The following MAGED1 variants were observed in gnomAD, a reference collection of about 807,000 sequenced individuals.
The protein encoded by MAGED1 is melanoma-associated antigen D1.
A neutral mutation model predicts 54.1 loss-of-function variants in MAGED1; 3 were observed. The ratio of observed to expected loss-of-function variants is 0.06; its 90% CI spans 0.03 to 0.14. The LOEUF (loss-of-function observed/expected upper bound fraction) is 0.14, where lower values mean the gene tolerates loss of function less well. Among genes scored for constraint, MAGED1 ranks in the 10% least tolerant of loss-of-function variants. MAGED1 has a pLI of 1.00. For missense variants in MAGED1, 485 were observed against 623.4 expected, an observed-to-expected ratio of 0.78 and a Z score of 2.36; for synonymous variants, 217 against 227.3, an observed-to-expected ratio of 0.95 and a Z score of 0.41.
chrX:51,837,503 T>A (rs1240535939), intron 1 of MAGED1, among the ~76,000 whole-genome samples: 8 of 112,163 alleles, frequency 7.1e-5, no homozygotes, highest in Non-Finnish European at 1.3e-4. Context: ...AATGTCATTA[T>A]TTGTTTTTTA....
At chrX:51,894,737 C>G in intron 2 of MAGED1, 1 of 1,159,493 alleles carries the variant, frequency 8.6e-7, no homozygotes, top group Non-Finnish European at 1.1e-6. Context: ...CTCAACTCCG[C>G]GATCCGCCTG....
intron 1 of MAGED1, among the ~76,000 whole-genome samples, chrX:51,840,346 C>G (rs1926408286): frequency 1.8e-5 from 2 of 109,935 alleles, no homozygotes; most frequent in Admixed American, 1.9e-4. Flanking sequence ...TTTTGGGGTC[C>G]TCAAAAAAAT....
chrX:51,837,679 GAGAGGCCCAAAACAAACATA>G (rs2146968294), intron 1 of MAGED1, among the ~76,000 whole-genome samples: 1 of 112,069 alleles, frequency 8.9e-6, no homozygotes, highest in African/African-American at 3.2e-5. Flanking sequence ...ATTAACGCAT[GAGAGGCCCAAAACAAACATA>G]AGAGGTAGGT....
chrX:51,821,566 T>A (rs1272247174), intron 1 of MAGED1, among the ~76,000 whole-genome samples: 1 of 110,938 alleles, frequency 9.0e-6, no homozygotes, highest in African/African-American at 3.3e-5. Flanking sequence ...GTTTTTGTAT[T>A]TTTTGTAGAG....
chrX:51,811,560 C>G (rs1313001353), intron 1 of MAGED1, among the ~76,000 whole-genome samples: 2 of 111,017 alleles, frequency 1.8e-5, no homozygotes, highest in African/African-American at 6.6e-5. Context: ...AAGGGGTGTT[C>G]TAGAAATCAT....
At chrX:51,874,202 T>G (rs7891136) in intron 1 of MAGED1, among the ~76,000 whole-genome samples, 2,077 of 111,433 alleles carry the variant, frequency 0.019, 60 homozygotes, top group African/African-American at 0.065. Flanking sequence ...GTCTCTGCCC[T>G]CATGAAGCTA....
Position 51,896,625 on chromosome X carries a change from C to T in MAGED1, c.970C>T (p.Pro324Ser). The T allele has an allele frequency of 5.0e-6, 6 of 1,212,040 alleles. No individual in the cohort carries two copies. The highest frequency in any genetic ancestry group is 6.7e-6 in the Non-Finnish European group (6 of 895,506). The change falls in exon 4 of 13, where the codon CCA becomes TCA. Residue 324 changes from proline to serine, a missense_variant. Around this residue, in one of 2 missense-constraint regions of MAGED1, gnomAD observed 299 missense variants for 293.1 expected, o/e 1.02. Coordinates refer to ENST00000326587, the MANE Select transcript of MAGED1 (RefSeq NM_006986.4). The part of the protein sequence containing the change: ...RQTPPARQSP[P>S]ARQTPPAWQN... The stretch of plus-strand genomic sequence containing the variant: ...GACCCCACCAGCACGTCAGAGCCCT[C>T]CAGCTAGGCAGACCCCACCAGCCTG...
chrX:51,897,280 C>T lies in MAGED1; in HGVS notation c.1486+9C>T. The T allele has an allele frequency of 8.3e-7, 1 of 1,203,330 alleles. No individual in the cohort carries two copies. Among genetic ancestry groups the T allele is most frequent in the Non-Finnish European group, 1.1e-6 (1 of 888,857 alleles). On this transcript the variant is annotated intron_variant, in intron 5 of 12. Transcript: ENST00000326587. Reference sequence around the variant, plus strand: ...GCCCATCAAGCGCTCAGGTATGCATCCAGTGTCCCCTCCCCAAGCTCTGCC... The same window carrying T: ...GCCCATCAAGCGCTCAGGTATGCATTCAGTGTCCCCTCCCCAAGCTCTGCC...
At chrX:51,863,466 T>C (rs945263256) in intron 1 of MAGED1, among the ~76,000 whole-genome samples, 21 of 112,083 alleles carry the variant, frequency 1.9e-4, no homozygotes, top group African/African-American at 5.8e-4. Flanking sequence ...TTCTTTAAGA[T>C]AGTGATTTTA....
upstream of MAGED1, among the ~76,000 whole-genome samples, chrX:51,890,660 C>T (rs1352847041): frequency 9.0e-6 from 1 of 110,940 alleles, no homozygotes; most frequent in Non-Finnish European, 1.9e-5. Flanking sequence ...TAAAGAACTC[C>T]TAAAAGTCAG....
At chrX:51,808,220 A>G (rs1925097485) in intron 1 of MAGED1, among the ~76,000 whole-genome samples, 2 of 111,562 alleles carry the variant, frequency 1.8e-5, no homozygotes, top group South Asian at 7.4e-4. Context: ...TGGGGATTTT[A>G]TTGGTGTTAT....
intron 1 of MAGED1, among the ~76,000 whole-genome samples, chrX:51,809,541 C>G (rs1374826691): frequency 8.9e-6 from 1 of 111,973 alleles, no homozygotes; most frequent in Non-Finnish European, 1.9e-5. Flanking sequence ...GTTTTCTCAT[C>G]CTCGTGTTTC....
chrX:51,827,761 C>A (rs1286612740), intron 1 of MAGED1, among the ~76,000 whole-genome samples: 1 of 111,622 alleles, frequency 9.0e-6, no homozygotes, highest in Non-Finnish European at 1.9e-5. Flanking sequence ...GCTTCTCTCT[C>A]CCACACCTTG....
chrX:51,882,989 C>A (rs1928113603), intron 1 of MAGED1, among the ~76,000 whole-genome samples: 1 of 111,972 alleles, frequency 8.9e-6, no homozygotes, highest in Non-Finnish European at 1.9e-5. Context: ...CTGCACCTGG[C>A]TGACAAAATT....
At chrX:51,850,393 A>C (rs1052685171) in intron 1 of MAGED1, among the ~76,000 whole-genome samples, 1 of 112,453 alleles carries the variant, frequency 8.9e-6, no homozygotes, top group Non-Finnish European at 1.9e-5. Context: ...ACCACAGTCC[A>C]GGATTTGGTT....
At chrX:51,897,505 G>A (rs782748893) in intron 5 of MAGED1, 42 bp from the exon 6 acceptor site, 5 of 1,061,109 alleles carry the variant, frequency 4.7e-6, no homozygotes, top group Non-Finnish European at 6.6e-6. Flanking sequence ...GCTGCTCTGT[G>A]GCCCCCGCTC....
rs782454312 is a variant in MAGED1 at position 51,809,869 on chromosome X, A to G, written c.-37+6752A>G. On this transcript the variant is annotated intron_variant, in intron 1 of 12. Coordinates refer to the MAGED1 transcript ENST00000375772. ...ATTCTTTCAATCTTTCTGCATTATT[A>G]ACTGGAATTACTTTATAAAGAAGAC... Among the ~76,000 whole-genome samples the G allele has an allele frequency of 2.8e-4, 31 of 111,535 alleles. No homozygotes were observed. The South Asian group carries it at 0.011, about 39-fold the overall frequency.
rs113944557 is a variant in MAGED1 at position 51,872,771 on chromosome X, C to T, written c.-36-21498C>T. ...AATTATAATGCACTTGCGTAAGACA[C>T]TTCTACCACTACCATGACAGTTTAC... On this transcript the variant is annotated intron_variant, in intron 1 of 12. Transcript: ENST00000375772. 1.2e-3 allele frequency among the ~76,000 whole-genome samples: 134 copies of T among 112,289 alleles called. 1 individual carries two copies. Among genetic ancestry groups the T allele is most frequent in the African/African-American group, 4.0e-3 (124 of 30,913 alleles).
rs782556811 is a variant in MAGED1 at position 51,853,509 on chromosome X, T to C, written c.-36-40760T>C. Among the ~76,000 whole-genome samples, 3 of 112,159 alleles carry C rather than the reference T, an allele frequency of 2.7e-5. No individual in the cohort carries two copies. In the South Asian group the frequency reaches 1.1e-3, roughly 42 times the overall value. Reference sequence around the variant, plus strand: ...ATTGTTGGGAATGTCTCCTCTTAGTTTTCCCACTTAGTGTAGCTCTGGGTT... The same window carrying C: ...ATTGTTGGGAATGTCTCCTCTTAGTCTTCCCACTTAGTGTAGCTCTGGGTT... On this transcript the variant is annotated intron_variant, in intron 1 of 12. Transcript: ENST00000375772.
Sources: gnomAD v4.1 joint callset for allele counts (sites outside exome capture counted in the v4.1 genomes callset) on GRCh38, gnomAD v4.1.1 for gene constraint, gnomAD v4.1.1 regional missense constraint, MANE v1.5 for transcripts, NCBI Gene and HGNC (gene_info 2026-07-23, HGNC 2026-07-21) for gene names.